Variants in MTUS1 observed in about 807,000 individuals in gnomAD.
MTUS1 encodes the protein microtubule associated scaffold protein 1, also known as microtubule-associated tumor suppressor 1.
Under a neutral mutation model 120.8 loss-of-function variants are expected in MTUS1, and 109 were observed. The observed-to-expected ratio is 0.90, with a 90% confidence interval of 0.77 to 1.06. The LOEUF (loss-of-function observed/expected upper bound fraction) is 1.06, where lower values mean the gene tolerates loss of function less well. Among genes scored for constraint, MTUS1 ranks in the 50% least tolerant of loss-of-function variants. The pLI is 0.00. For missense variants in MTUS1, 2,210 were observed against 1,486.3 expected (o/e 1.49, Z -8.01); for synonymous variants, 737 against 550.5 (o/e 1.34, Z -4.74).
At chr8:17,782,646 T>C (rs774092591) in intron 1 of MTUS1, among the ~76,000 whole-genome samples, 9 of 152,238 alleles carry the variant, frequency 5.9e-5, no homozygotes. Flanking sequence ...AAGGCCATCA[T>C]GACATCAAAA....
chr8:17,720,498 C>G (rs962644349), intron 4 of MTUS1, among the ~76,000 whole-genome samples: 9 of 152,204 alleles, frequency 5.9e-5, no homozygotes, highest in African/African-American at 2.2e-4. Context: ...TCTGTTCCTT[C>G]CATTTCCAGG....
intron 1 of MTUS1, among the ~76,000 whole-genome samples, chr8:17,785,873 C>CT (rs765120042): frequency 6.6e-6 from 1 of 152,086 alleles, no homozygotes; most frequent in African/African-American, 2.4e-5. Flanking sequence ...GGCCAGGTAC[C>CT]ATGGGTCATG....
At chr8:17,744,223 C>G (rs1404233190) in intron 2 of MTUS1, among the ~76,000 whole-genome samples, 1 of 152,118 alleles carries the variant, frequency 6.6e-6, no homozygotes, top group African/African-American at 2.4e-5. Context: ...TCTTCCCTTC[C>G]CAGATCTTTG....
chr8:17,675,217 A>G lies in MTUS1; in HGVS notation c.2874T>C (p.Ser958=). 1.9e-6 allele frequency: 3 copies of G among 1,614,162 alleles called. No homozygotes were observed. Among genetic ancestry groups the G allele is most frequent in the Non-Finnish European group, 2.5e-6 (3 of 1,180,020 alleles). The change falls in exon 8 of 15, where the codon TCT becomes TCC. Residue 958 remains serine, a synonymous_variant. Coordinates refer to ENST00000693296, the MANE Select transcript of MTUS1 (RefSeq NM_001363059.2). ...CTCCCCGGAGGTTAACAAGTTCTTG[A>G]GATAGGGTTTTGTGTTGTTTCAGTG... ...EEALKQHKTL[S]QELVNLRGEL... is the part of the protein sequence containing the mutation.
Position 17,755,128 on chromosome 8 carries a change from C to T in MTUS1, c.680G>A (p.Ser227Asn), listed in dbSNP as rs765440758. The T allele has an allele frequency of 3.1e-6, 5 of 1,614,008 alleles. No individual in the cohort carries two copies. Residue 227 changes from serine to asparagine, a missense_variant, in exon 2 of 15, where the codon AGC becomes AAC. Transcript: ENST00000693296. ...TGGTGTGACTTGAGGGTTTTCAAAG[C>T]TTTCTCTATCATAAGTAGTTTCTCT... Reference protein sequence around the residue: ...HARETTYDRESFENPQVTPSE... With the variant: ...HARETTYDRENFENPQVTPSE...
chr8:17,767,188 TAAAAAAAAAAAAAA>T (rs34726378), intron 1 of MTUS1, among the ~76,000 whole-genome samples: 4 of 105,302 alleles, frequency 3.8e-5, no homozygotes, highest in Middle Eastern at 5.6e-3. Context: ...ATCCTCAGGG[TAAAAAAAAAAAAAA>T]AAAAAAAAAA....
chr8:17,677,211 G>A (rs1414704584), intron 7 of MTUS1, among the ~76,000 whole-genome samples: 3 of 152,092 alleles, frequency 2.0e-5, no homozygotes, highest in African/African-American at 4.8e-5. Flanking sequence ...AATAATGGAA[G>A]AAAAACATAA....
intron 3 of MTUS1, among the ~76,000 whole-genome samples, chr8:17,737,622 G>A (rs925301322): frequency 6.6e-6 from 1 of 152,132 alleles, no homozygotes; most frequent in African/African-American, 2.4e-5. Flanking sequence ...TGAGTAGCAA[G>A]GACCACAAGT....
At chr8:17,693,814 G>C (rs948129984) in intron 6 of MTUS1, among the ~76,000 whole-genome samples, 1 of 152,132 alleles carries the variant, frequency 6.6e-6, no homozygotes, top group Non-Finnish European at 1.5e-5. Context: ...GGTCCATGTG[G>C]GACTTAGTCC....
intron 3 of MTUS1, among the ~76,000 whole-genome samples, chr8:17,730,635 C>T (rs1206172174): frequency 6.6e-6 from 1 of 152,100 alleles, no homozygotes; most frequent in Non-Finnish European, 1.5e-5. Flanking sequence ...TACAGATATA[C>T]CACGGAATAC....
In MTUS1 at chr8:17,698,867, T is replaced by C. The variant is rs529468076; in HGVS notation, c.2624-14325A>G. ...CTGACGAAAAACCTGCTACATACAT[T>C]GCACCACAGCAACTGAAGCTAAATG... On this transcript the variant is annotated intron_variant, in intron 6 of 14. Transcript: ENST00000693296. Among the ~76,000 whole-genome samples the C allele has an allele frequency of 2.0e-5, 3 of 152,182 alleles. No homozygotes were observed. The South Asian group carries it at 6.2e-4, about 32-fold the overall frequency.
intron 4 of MTUS1, chr8:17,721,919 A>G: frequency 6.2e-7 from 1 of 1,606,016 alleles, no homozygotes. Context: ...GATCAAAGCA[A>G]GCTTAAGCAG....
intron 6 of MTUS1, among the ~76,000 whole-genome samples, chr8:17,695,921 G>C (rs897917009): frequency 2.6e-5 from 4 of 152,202 alleles, no homozygotes; most frequent in Non-Finnish European, 4.4e-5. Flanking sequence ...CTGGGTAAGA[G>C]AGAGGCTTGC....
At chr8:17,724,149 AG>A (rs1188289739) in intron 3 of MTUS1, 11 of 497,630 alleles carry the variant, frequency 2.2e-5, no homozygotes, top group African/African-American at 1.9e-4. Flanking sequence ...ATGAGAAAGC[AG>A]CTTTTGGCAA....
chr8:17,672,771 CAGG>C (rs1812288950), intron 8 of MTUS1, among the ~76,000 whole-genome samples: 1 of 151,984 alleles, frequency 6.6e-6, no homozygotes, highest in South Asian at 2.1e-4. Context: ...ACTCGGGAGG[CAGG>C]AGAAGCAGTG....
intron 1 of MTUS1, among the ~76,000 whole-genome samples, chr8:17,764,694 C>T (rs2049324707): frequency 6.6e-6 from 1 of 152,224 alleles, no homozygotes. Flanking sequence ...AAAGACGCCA[C>T]AGACGATATG....
intron 2 of MTUS1, among the ~76,000 whole-genome samples, chr8:17,746,218 C>A (rs1586124729): frequency 6.6e-6 from 1 of 152,200 alleles, no homozygotes; most frequent in Non-Finnish European, 1.5e-5. Flanking sequence ...CCTACATGAT[C>A]TTGGCTGCTG....
intron 6 of MTUS1, chr8:17,704,270 G>A (rs1819701434): frequency 6.6e-6 from 1 of 152,134 alleles, no homozygotes; most frequent in Admixed American, 6.5e-5. Flanking sequence ...TGACTGCTTT[G>A]CTCTGCAGAT....
At chr8:17,700,915 T>C (rs552173911) in intron 6 of MTUS1, among the ~76,000 whole-genome samples, 22 of 152,084 alleles carry the variant, frequency 1.4e-4, no homozygotes, top group African/African-American at 5.3e-4. Flanking sequence ...CAAACAGAAA[T>C]TCCACTGGTC....
Sources: allele counts gnomAD v4.1 joint callset (sites outside exome capture counted in the v4.1 genomes callset), GRCh38; gene constraint gnomAD v4.1.1; transcripts MANE v1.5; gene names NCBI Gene and HGNC (gene_info 2026-07-23, HGNC 2026-07-21).